ESRRG: variants seen among roughly 807,000 people sequenced by gnomAD.
ESRRG encodes the protein estrogen-related receptor gamma.
A neutral mutation model predicts 44.0 loss-of-function variants in ESRRG; 13 were observed. That is an observed-to-expected ratio of 0.30 (90% CI 0.19 to 0.47). The LOEUF is 0.47. ESRRG is among the 20% of genes least tolerant of loss of function. ESRRG has a pLI of 1.00. For missense variants in ESRRG, 395 were observed against 580.6 expected (o/e 0.68, Z 3.29); for synonymous variants, 215 against 214.6 (o/e 1.00, Z -0.02).
chr1:216,767,777 T>C (rs1022741290), intron 2 of ESRRG, among the ~76,000 whole-genome samples: 1 of 152,116 alleles, frequency 6.6e-6, no homozygotes, highest in Non-Finnish European at 1.5e-5. Flanking sequence ...AAGTATGCAT[T>C]TGCTCCCAGG....
At chr1:216,561,332 A>G (rs976109592) in intron 5 of ESRRG, among the ~76,000 whole-genome samples, 4 of 152,168 alleles carry the variant, frequency 2.6e-5, no homozygotes, top group African/African-American at 9.6e-5. Context: ...CAGCATAAAG[A>G]TAACAGGGGC....
chr1:216,517,824 C>T (rs1053622574), intron 6 of ESRRG, among the ~76,000 whole-genome samples: 11 of 151,854 alleles, frequency 7.2e-5, no homozygotes, highest in Admixed American at 2.0e-4. Flanking sequence ...TTCACAGGAG[C>T]GTAGAAGAAG....
rs79634062 is a variant in ESRRG at position 216,679,521 on chromosome 1, C to T, written c.57-2030G>A. On this transcript the variant is annotated intron_variant, in intron 1 of 6. Coordinates refer to ENST00000408911, the MANE Select transcript of ESRRG (RefSeq NM_001438.4). The stretch of plus-strand genomic sequence containing the variant: ...GTTAGAAGTTTTTAGGGTACTAAAC[C>T]ATGCTTGCTCCCCTTTCCTCTCTCC... Among the ~76,000 whole-genome samples the T allele has an allele frequency of 2.6e-5, 4 of 152,240 alleles. No homozygotes were observed. The East Asian group carries it at 7.7e-4, about 29-fold the overall frequency.
At chr1:216,825,653 G>T (rs1383777264) in intron 2 of ESRRG, among the ~76,000 whole-genome samples, 1 of 152,142 alleles carries the variant, frequency 6.6e-6, no homozygotes, top group African/African-American at 2.4e-5. Flanking sequence ...TGATTCCTAT[G>T]GATGCTAGAA....
intron 2 of ESRRG, among the ~76,000 whole-genome samples, chr1:216,771,503 T>G (rs1051005213): frequency 2.0e-5 from 3 of 152,122 alleles, no homozygotes; most frequent in Non-Finnish European, 4.4e-5. Context: ...GTGTGAAATA[T>G]ACATCTAAAC....
At chr1:216,692,125 A>T (rs997363414) in intron 1 of ESRRG, among the ~76,000 whole-genome samples, 9 of 152,144 alleles carry the variant, frequency 5.9e-5, no homozygotes, top group South Asian at 4.1e-4. Flanking sequence ...AATTTTTTTT[A>T]AAAATTTACT....
chr1:216,664,125 G>A (rs1011461085), intron 2 of ESRRG, among the ~76,000 whole-genome samples: 35 of 151,982 alleles, frequency 2.3e-4, no homozygotes, highest in African/African-American at 8.4e-4. Context: ...AAATGATTTT[G>A]CCCATGGATT....
At chr1:216,997,915 G>A (rs913266841) in intron 1 of ESRRG, among the ~76,000 whole-genome samples, 8 of 152,218 alleles carry the variant, frequency 5.3e-5, no homozygotes, top group Admixed American at 3.9e-4. Flanking sequence ...TGGCTAAATC[G>A]CTTTCAGCAA....
At chr1:216,689,748 T>C (rs1001793704) in intron 1 of ESRRG, among the ~76,000 whole-genome samples, 1 of 151,976 alleles carries the variant, frequency 6.6e-6, no homozygotes, top group African/African-American at 2.4e-5. Flanking sequence ...ATCTATACAC[T>C]CCCTATAAAA....
chr1:216,587,842 C>G lies in ESRRG; in HGVS notation c.590-19744G>C, dbSNP rs532886618. Among the ~76,000 whole-genome samples, 257 of 152,214 alleles carry G rather than the reference C, an allele frequency of 1.7e-3. 2 individuals are homozygous for G. Among genetic ancestry groups the G allele is most frequent in the African/African-American group, 6.2e-3 (256 of 41,552 alleles). ...CTTGATATAAACATAAGACATGAAA[C>G]TTAGTGTTCATGCAAGCAGTGCATT... On this transcript the variant is annotated intron_variant, in intron 3 of 6. Transcript: ENST00000408911.
intron 2 of ESRRG, among the ~76,000 whole-genome samples, chr1:216,654,138 A>T (rs1461595554): frequency 6.6e-6 from 1 of 151,544 alleles, no homozygotes; most frequent in South Asian, 2.1e-4. Flanking sequence ...TCCAAAAAAA[A>T]AAAATCCACC....
In ESRRG at chr1:216,637,952, A is replaced by T. The variant is rs377279804; in HGVS notation, c.589+13021T>A. ...TAAAAATCATTATTTATGAAAAATTATTCCTGCACCCAAATTACAAAAATG... is the reference window on the plus strand; with the variant it reads ...TAAAAATCATTATTTATGAAAAATTTTTCCTGCACCCAAATTACAAAAATG... On this transcript the variant is annotated intron_variant, in intron 3 of 6. Coordinates refer to ENST00000408911, the MANE Select transcript of ESRRG (RefSeq NM_001438.4). 9.5e-4 allele frequency among the ~76,000 whole-genome samples: 144 copies of T among 152,270 alleles called. 1 individual carries two copies. The highest frequency in any genetic ancestry group is 3.3e-3 in the African/African-American group (137 of 41,564).
chr1:216,686,834 G>A (rs919051495), intron 1 of ESRRG, among the ~76,000 whole-genome samples: 2 of 152,072 alleles, frequency 1.3e-5, no homozygotes, highest in South Asian at 2.1e-4. Context: ...ATTTGCCTAC[G>A]TGTTTCGTAA....
chr1:216,569,565 A>G (rs1028085999), intron 3 of ESRRG, among the ~76,000 whole-genome samples: 1 of 152,218 alleles, frequency 6.6e-6, no homozygotes, highest in Non-Finnish European at 1.5e-5. Context: ...AGAGCTTGTC[A>G]ATCTAGTTTC....
intron 2 of ESRRG, among the ~76,000 whole-genome samples, chr1:216,795,342 C>CTTTTT (rs35142972): frequency 2.7e-3 from 285 of 105,134 alleles, no homozygotes; most frequent in Non-Finnish European, 3.3e-3. Flanking sequence ...TTTTCTTTTT[C>CTTTTT]TTTTTTTTTT....
rs145430984 is a variant in ESRRG at position 216,981,806 on chromosome 1, A to C, written c.-105-42133T>G. On this transcript the variant is annotated intron_variant, in intron 1 of 7. Transcript: ENST00000359162. ...GTCACCTGAGGATGAGGGTCAGAGA[A>C]AGGAGTGCTGCTGGTTATGGATGTT... is the stretch of plus-strand genomic sequence containing the variant. Among the ~76,000 whole-genome samples the C allele has an allele frequency of 1.4e-3, 218 of 152,224 alleles. 2 individuals are homozygous for C. Among genetic ancestry groups the C allele is most frequent in the African/African-American group, 5.1e-3 (213 of 41,540 alleles).
rs368854355 is a variant in ESRRG, at chr1:217,112,210, T to C, written c.-230+25457A>G. Among the ~76,000 whole-genome samples the C allele has an allele frequency of 2.6e-5, 4 of 152,152 alleles. No homozygotes were observed. In the East Asian group the frequency reaches 5.8e-4, roughly 22 times the overall value. On this transcript the variant is annotated intron_variant, in intron 1 of 8. Coordinates refer to the ESRRG transcript ENST00000366940. ...AAAACCACACAAGCAAAATAAAATG[T>C]TTGAGCCACAAAGTTTTGGGGTGAG...
At chr1:216,890,458 A>C (rs2057621428) in intron 2 of ESRRG, among the ~76,000 whole-genome samples, 1 of 152,166 alleles carries the variant, frequency 6.6e-6, no homozygotes, top group African/African-American at 2.4e-5. Flanking sequence ...AAGTGAATAC[A>C]ATACAATTCC....
chr1:216,620,096 CA>C (rs1316682856), intron 3 of ESRRG, among the ~76,000 whole-genome samples: 3 of 152,048 alleles, frequency 2.0e-5, no homozygotes, highest in Non-Finnish European at 4.4e-5. Context: ...ACTCTAATAG[CA>C]AAGAATATAG....
Sources: gnomAD v4.1 joint callset for allele counts (sites outside exome capture counted in the v4.1 genomes callset) on GRCh38, gnomAD v4.1.1 for gene constraint, MANE v1.5 for transcripts, NCBI Gene and HGNC (gene_info 2026-07-23, HGNC 2026-07-21) for gene names.